The following ACVR2A variants were observed in gnomAD, a reference collection of about 807,000 sequenced individuals.
The protein encoded by ACVR2A is activin A receptor type 2A, also known as activin receptor type-2A.
ACVR2A carries 7 observed loss-of-function variants against 61.4 expected under a neutral mutation model. That is an observed-to-expected ratio of 0.11 (90% CI 0.06 to 0.21). The LOEUF (loss-of-function observed/expected upper bound fraction) is 0.21. Ranked by LOEUF, ACVR2A falls within the 10% of genes least tolerant of loss-of-function variation. The pLI, the probability that ACVR2A is intolerant of heterozygous loss-of-function variation, is 1.00. For missense variants in ACVR2A, 322 were observed against 621.7 expected (o/e 0.52, Z 5.13); for synonymous variants, 193 against 208.3 (o/e 0.93, Z 0.63).
chr2:147,895,142 G>C (rs1316377884), intron 1 of ACVR2A, among the ~76,000 whole-genome samples: 1 of 152,016 alleles, frequency 6.6e-6, no homozygotes. Context: ...ATTATAAAAA[G>C]TTAAAATTTA....
intron 1 of ACVR2A, among the ~76,000 whole-genome samples, chr2:147,891,236 G>A (rs778742687): frequency 4.6e-5 from 7 of 152,108 alleles, no homozygotes; most frequent in Non-Finnish European, 8.8e-5. Context: ...TCTAGGCAGT[G>A]TTCAATTTTT....
chr2:147,881,522 T>A (rs1686297299), intron 1 of ACVR2A, among the ~76,000 whole-genome samples: 1 of 151,550 alleles, frequency 6.6e-6, no homozygotes, highest in Admixed American at 6.6e-5. Flanking sequence ...GGAGAAAACA[T>A]TATAATGGAT....
chr2:147,866,237 A>G (rs2105151011), intron 1 of ACVR2A, among the ~76,000 whole-genome samples: 1 of 152,352 alleles, frequency 6.6e-6, no homozygotes, highest in South Asian at 2.1e-4. Context: ...AGACTCTGAA[A>G]GTGGCATGCG....
rs1412220502 is a variant in ACVR2A, at chr2:147,927,925, A to G, written c.*651A>G. 1 of 152,388 alleles carries G rather than the reference A, an allele frequency of 6.6e-6. No homozygotes were observed. The highest frequency in any genetic ancestry group is 1.5e-5 in the Non-Finnish European group (1 of 67,914). 9.4% of individuals were successfully genotyped at this position (152,388 alleles called of 1,614,324 possible). On this transcript the variant is annotated 3_prime_UTR_variant, in exon 11 of 11. Transcript: ENST00000241416. The stretch of plus-strand genomic sequence containing the variant: ...AACACTAACAAAATTTGAATAATAA[A>G]TCGATCCATGTTTTGTAACAAATTC...
chr2:147,891,688 C>T (rs1374440957), intron 1 of ACVR2A, among the ~76,000 whole-genome samples: 1 of 152,110 alleles, frequency 6.6e-6, no homozygotes, highest in East Asian at 1.9e-4. Context: ...CATGTATTGT[C>T]TATGGATGCT....
chr2:147,920,123 G>A (rs1687344603), intron 7 of ACVR2A, 107 bp from the exon 8 acceptor site: 1 of 701,580 alleles, frequency 1.4e-6, no homozygotes, highest in African/African-American at 1.8e-5. Context: ...ATAATTTTAA[G>A]TAACTATTTT....
At position 147,929,319 on chromosome 2, in the gene ACVR2A, A is replaced by G. The variant is rs1687594827; in HGVS notation, c.*2045A>G. 1 of 152,064 alleles carries G rather than the reference A, an allele frequency of 6.6e-6. No individual in the cohort carries two copies. 9.4% of individuals were successfully genotyped at this position (152,064 alleles called of 1,614,324 possible). On this transcript the variant is annotated 3_prime_UTR_variant, in exon 11 of 11. Transcript: ENST00000241416. ...TTGAGAATGTGCATACAAGAAAATC[A>G]TTAATTTCCTGAAGATGAATTTCTA...
At position 147,928,263 on chromosome 2, in the gene ACVR2A, T is replaced by C. The variant is rs1261385429; in HGVS notation, c.*989T>C. 6.6e-6 allele frequency: 1 copy of C among 152,404 alleles called. No individual in the cohort carries two copies. The highest frequency in any genetic ancestry group is 6.6e-5 in the Admixed American group (1 of 15,188). 9.4% of individuals were successfully genotyped at this position (152,404 alleles called of 1,614,324 possible). ...TGTGACACTGGAAAGCTCTTCATTT[T>C]ATCTTTTAAAATAGAGTTTTTTCTA... On this transcript the variant is annotated 3_prime_UTR_variant, in exon 11 of 11. Coordinates refer to ENST00000241416, the MANE Select transcript of ACVR2A (RefSeq NM_001616.5).
intron 1 of ACVR2A, among the ~76,000 whole-genome samples, chr2:147,888,547 G>C (rs1471647137): frequency 1.3e-5 from 2 of 152,086 alleles, no homozygotes; most frequent in African/African-American, 4.8e-5. Flanking sequence ...ACCGTAACTG[G>C]TGTTGCATTT....
intron 1 of ACVR2A, among the ~76,000 whole-genome samples, chr2:147,864,825 T>G (rs997078997): frequency 2.0e-5 from 3 of 152,210 alleles, no homozygotes; most frequent in Non-Finnish European, 4.4e-5. Context: ...CCCTACTATG[T>G]TCGTCTCATT....
intron 4 of ACVR2A, among the ~76,000 whole-genome samples, chr2:147,900,798 C>T (rs146699510): frequency 6.6e-6 from 1 of 152,034 alleles, no homozygotes; most frequent in East Asian, 1.9e-4. Flanking sequence ...CTTGGTGTAA[C>T]TTTGCTTCTT....
intron 10 of ACVR2A, 61 bp downstream of exon 10, chr2:147,926,222 T>C: frequency 2.1e-5 from 32 of 1,557,344 alleles, no homozygotes; most frequent in Non-Finnish European, 2.5e-5. Flanking sequence ...AGAGGAATTA[T>C]TTATCTCTGC....
intron 4 of ACVR2A, among the ~76,000 whole-genome samples, chr2:147,911,869 G>C (rs1205132151): frequency 6.6e-6 from 1 of 151,888 alleles, no homozygotes. Flanking sequence ...CAAAAACCTT[G>C]TATTGGTTAA....
intron 1 of ACVR2A, among the ~76,000 whole-genome samples, chr2:147,859,035 A>T (rs978917406): frequency 6.6e-6 from 1 of 152,150 alleles, no homozygotes; most frequent in Non-Finnish European, 1.5e-5. Flanking sequence ...AAATATGTTT[A>T]AAAAACTTTG....
At chr2:147,880,175 A>G (rs1467345684) in intron 1 of ACVR2A, among the ~76,000 whole-genome samples, 1 of 152,106 alleles carries the variant, frequency 6.6e-6, no homozygotes, top group East Asian at 1.9e-4. Context: ...GCTCTGTATT[A>G]TCAAGCAGTG....
Position 147,918,563 on chromosome 2 carries a change from A to T in ACVR2A, c.933A>T (p.Lys311Asn), listed in dbSNP as rs34582946. ...AYLHEDIPGL[K>N]DGHKPAISHR... ...TACATGAGGATATACCTGGCCTAAA[A>T]GATGGCCACAAACCTGCCATATCTC... Residue 311 changes from lysine to asparagine, a missense_variant, in exon 7 of 11, where the codon AAA (lysine) becomes AAT (asparagine). Lys to Asn is a moderately conservative substitution (Grantham distance 94). This residue lies in a region of ACVR2A where 146 missense variants were observed against 383.8 expected (regional missense o/e 0.38). Transcript: ENST00000241416. The T allele has an allele frequency of 2.5e-6, 4 of 1,610,030 alleles. No individual in the cohort carries two copies. In the East Asian group the frequency reaches 6.7e-5, roughly 27 times the overall value.
At chr2:147,924,481 G>A (rs1342877301) in intron 9 of ACVR2A, among the ~76,000 whole-genome samples, 1 of 151,934 alleles carries the variant, frequency 6.6e-6, no homozygotes, top group Non-Finnish European at 1.5e-5. Context: ...TGTTTTAGGA[G>A]TTTAGGGGAG....
chr2:147,882,214 T>G (rs1226303770), intron 1 of ACVR2A, among the ~76,000 whole-genome samples: 1 of 152,218 alleles, frequency 6.6e-6, no homozygotes, highest in East Asian at 1.9e-4. Context: ...GAAATACGTT[T>G]TGGATGCTTG....
At chr2:147,886,698 A>T (rs1686446652) in intron 1 of ACVR2A, among the ~76,000 whole-genome samples, 1 of 151,302 alleles carries the variant, frequency 6.6e-6, no homozygotes, top group Admixed American at 6.6e-5. Context: ...TTGTTTTTGC[A>T]TTTTATCATT....
Sources: gnomAD v4.1 joint callset for allele counts (sites outside exome capture counted in the v4.1 genomes callset) on GRCh38, gnomAD v4.1.1 for gene constraint, gnomAD v4.1.1 regional missense constraint, MANE v1.5 for transcripts, NCBI Gene and HGNC (gene_info 2026-07-23, HGNC 2026-07-21) for gene names.